The following EPHA6 variants were observed in gnomAD, a reference collection of about 807,000 sequenced individuals.
EPHA6 encodes the protein EPH receptor A6.
In EPHA6, 50 loss-of-function variants were observed where a neutral mutation model predicts 112.0. The ratio of observed to expected loss-of-function variants is 0.45; its 90% CI spans 0.36 to 0.56. EPHA6 has a LOEUF of 0.56. Ranked by LOEUF, EPHA6 falls within the 20% of genes least tolerant of loss-of-function variation. EPHA6 has a pLI of 0.00. For synonymous variants in EPHA6, 529 were observed against 490.7 expected, an observed-to-expected ratio of 1.08 and a Z score of -1.03; for missense variants, 1,280 against 1,417.4, an observed-to-expected ratio of 0.90 and a Z score of 1.56.
At chr3:96,926,497 C>G (rs1246347293) in intron 2 of EPHA6, among the ~76,000 whole-genome samples, 2 of 152,150 alleles carry the variant, frequency 1.3e-5, no homozygotes, top group Non-Finnish European at 2.9e-5. Flanking sequence ...ACCTAAATGT[C>G]CAATTCCAAA....
rs1489575368 is a variant in EPHA6 at position 96,815,144 on chromosome 3, A to G, written c.385+136A>G. 1.2e-5 allele frequency: 10 copies of G among 832,098 alleles called. No individual in the cohort carries two copies. The African/African-American group carries it at 1.6e-4, about 13-fold the overall frequency. The allele number at this position is 832,098 out of a possible 1,614,324, so 51.5% of individuals were successfully genotyped here. A position where few individuals can be genotyped will look rare whatever the true frequency, so the allele number is the denominator to read the frequency against. ...GGCTCGCCACACGAGGGGATCGAGG[A>G]TGTCCCCTTACCCTAGCGCCCTGTT... On this transcript the variant is annotated intron_variant, in intron 1 of 17. Coordinates refer to ENST00000389672, the MANE Select transcript of EPHA6 (RefSeq NM_001080448.3).
intron 11 of EPHA6, among the ~76,000 whole-genome samples, chr3:97,585,196 A>T (rs1363032632): frequency 6.6e-6 from 1 of 152,238 alleles, no homozygotes; most frequent in East Asian, 1.9e-4. Context: ...CTTAAAGGAA[A>T]CTTAGGAAAG....
chr3:97,526,596 AG>A (rs756402359), intron 10 of EPHA6, among the ~76,000 whole-genome samples: 51 of 150,114 alleles, frequency 3.4e-4, no homozygotes, highest in Non-Finnish European at 6.2e-4. Flanking sequence ...TATGGGATGA[AG>A]GCCAGCAAGA....
intron 2 of EPHA6, among the ~76,000 whole-genome samples, chr3:96,933,511 G>C (rs1413296965): frequency 1.3e-5 from 2 of 152,112 alleles, no homozygotes; most frequent in African/African-American, 2.4e-5. Flanking sequence ...AAGTTTCTTA[G>C]AATTTTCCTA....
intron 14 of EPHA6, among the ~76,000 whole-genome samples, chr3:97,705,399 T>G (rs1376236200): frequency 6.6e-5 from 10 of 152,180 alleles, no homozygotes. Flanking sequence ...TCACATTTCA[T>G]GGCGCCTCTC....
intron 2 of EPHA6, among the ~76,000 whole-genome samples, chr3:96,976,445 A>G (rs182453056): frequency 1.3e-5 from 2 of 152,276 alleles, no homozygotes; most frequent in East Asian, 3.9e-4. Context: ...CATTTTAATT[A>G]ATGCTTATTA....
intron 3 of EPHA6, among the ~76,000 whole-genome samples, chr3:97,124,444 T>C (rs1389449022): frequency 6.9e-6 from 1 of 145,544 alleles, no homozygotes; most frequent in Non-Finnish European, 1.5e-5. Flanking sequence ...TTGCCCTGAA[T>C]GATTAGAGAG....
At chr3:96,865,700 A>C (rs2036268490) in intron 1 of EPHA6, among the ~76,000 whole-genome samples, 2 of 151,028 alleles carry the variant, frequency 1.3e-5, no homozygotes, top group Admixed American at 6.6e-5. Flanking sequence ...CAAACAAAAA[A>C]AAAAAAAAAA....
intron 2 of EPHA6, among the ~76,000 whole-genome samples, chr3:96,932,928 T>C (rs1029725551): frequency 2.0e-5 from 3 of 152,176 alleles, no homozygotes; most frequent in African/African-American, 7.2e-5. Flanking sequence ...AAATTTTTTT[T>C]AATTTACTAT....
intron 5 of EPHA6, among the ~76,000 whole-genome samples, chr3:97,395,359 C>T (rs2086639189): frequency 6.6e-6 from 1 of 151,712 alleles, no homozygotes; most frequent in Non-Finnish European, 1.5e-5. Context: ...ATTTAAGAAA[C>T]ATTTCCAAAA....
chr3:97,158,592 G>A (rs1169082586), intron 3 of EPHA6, among the ~76,000 whole-genome samples: 1 of 152,158 alleles, frequency 6.6e-6, no homozygotes, highest in Non-Finnish European at 1.5e-5. Context: ...AAACGGGAAA[G>A]GGTGGGATAT....
chr3:96,950,227 G>A (rs976235879), intron 2 of EPHA6, among the ~76,000 whole-genome samples: 9 of 152,030 alleles, frequency 5.9e-5, no homozygotes, highest in African/African-American at 2.2e-4. Context: ...AATTTCTCAT[G>A]TGCTTCTGTA....
intron 10 of EPHA6, among the ~76,000 whole-genome samples, chr3:97,514,710 T>C (rs141745303): frequency 3.9e-5 from 6 of 152,296 alleles, no homozygotes; most frequent in African/African-American, 1.4e-4. Context: ...CCTAAGGGTA[T>C]GGTCCTAATC....
chr3:97,597,289 T>A (rs776489516), intron 12 of EPHA6, among the ~76,000 whole-genome samples: 1 of 152,140 alleles, frequency 6.6e-6, no homozygotes, highest in Non-Finnish European at 1.5e-5. Flanking sequence ...TACCTGAGCT[T>A]CTCTCCATTC....
intron 10 of EPHA6, among the ~76,000 whole-genome samples, chr3:97,490,560 G>A (rs1258830512): frequency 6.6e-6 from 1 of 152,008 alleles, no homozygotes; most frequent in African/African-American, 2.4e-5. Flanking sequence ...AAGGAAATTT[G>A]ATCCCTATTT....
chr3:97,116,997 C>G (rs1395797559), intron 3 of EPHA6, among the ~76,000 whole-genome samples: 1 of 151,538 alleles, frequency 6.6e-6, no homozygotes, highest in Non-Finnish European at 1.5e-5. Context: ...CAACACTTAT[C>G]GTTTGTCTTT....
intron 1 of EPHA6, among the ~76,000 whole-genome samples, chr3:96,834,547 G>A (rs1411415336): frequency 6.6e-6 from 1 of 151,962 alleles, no homozygotes; most frequent in Non-Finnish European, 1.5e-5. Flanking sequence ...TAAAAGCCTG[G>A]AAGCCCTGTT....
At chr3:96,835,706 A>T (rs2034369699) in intron 1 of EPHA6, among the ~76,000 whole-genome samples, 1 of 152,034 alleles carries the variant, frequency 6.6e-6, no homozygotes, top group Non-Finnish European at 1.5e-5. Context: ...TTTTTGAAAA[A>T]ACACCCATAT....
At chr3:97,407,528 G>T (rs190048992) in intron 6 of EPHA6, among the ~76,000 whole-genome samples, 153 of 151,930 alleles carry the variant, frequency 1.0e-3, no homozygotes, top group Admixed American at 1.8e-3. Flanking sequence ...TGATATGTCA[G>T]AAAGAAAACA....
Sources: allele counts gnomAD v4.1 joint callset (sites outside exome capture counted in the v4.1 genomes callset), GRCh38; gene constraint gnomAD v4.1.1; transcripts MANE v1.5; gene names NCBI Gene and HGNC (gene_info 2026-07-23, HGNC 2026-07-21).